RMND1: variants seen among roughly 807,000 people sequenced by gnomAD.
RMND1 encodes the protein required for meiotic nuclear division protein 1 homolog.
Under a neutral mutation model 54.0 loss-of-function variants are expected in RMND1, and 41 were observed. That is an observed-to-expected ratio of 0.76 (90% CI 0.59 to 0.98). The LOEUF (loss-of-function observed/expected upper bound fraction) is 0.98, where lower values mean the gene tolerates loss of function less well. Among genes scored for constraint, RMND1 ranks in the 50% least tolerant of loss-of-function variants. The pLI is 0.00. For synonymous variants in RMND1, 183 were observed against 181.7 expected, an observed-to-expected ratio of 1.01 and a Z score of -0.06; for missense variants, 457 against 532.0, an observed-to-expected ratio of 0.86 and a Z score of 1.39.
At chr6:151,412,529 T>C (rs1004802106) in intron 10 of RMND1, among the ~76,000 whole-genome samples, 2 of 152,200 alleles carry the variant, frequency 1.3e-5, no homozygotes, top group African/African-American at 4.8e-5. Flanking sequence ...CTGTGACTTC[T>C]GTTTTACTAG....
chr6:151,445,187 T>C, intron 2 of RMND1, 121 bp downstream of exon 2: 1 of 963,262 alleles, frequency 1.0e-6, no homozygotes, highest in African/African-American at 1.6e-5. Context: ...AAGACCTTGA[T>C]GAAGAAGTCT....
chr6:151,409,485 G>C (rs144051994), intron 10 of RMND1, among the ~76,000 whole-genome samples: 159 of 152,176 alleles, frequency 1.0e-3, no homozygotes, highest in African/African-American at 3.7e-3. Context: ...CTGGGGTGGG[G>C]GGGAATTTCA....
chr6:151,407,721 CAG>C (rs764057115), intron 10 of RMND1, among the ~76,000 whole-genome samples: 11 of 152,152 alleles, frequency 7.2e-5, no homozygotes, highest in East Asian at 1.9e-4. Context: ...TCCTGGCTAA[CAG>C]GGTAAAACCC....
intron 9 of RMND1, among the ~76,000 whole-genome samples, chr6:151,418,226 C>T (rs1433031102): frequency 1.3e-5 from 2 of 152,094 alleles, no homozygotes; most frequent in African/African-American, 2.4e-5. Flanking sequence ...CCAACCTGGA[C>T]AGCACAGCGA....
chr6:151,441,163 TTTTAGGAG>T (rs1440238423), intron 2 of RMND1, among the ~76,000 whole-genome samples: 2 of 152,230 alleles, frequency 1.3e-5, no homozygotes, highest in Admixed American at 1.3e-4. Flanking sequence ...ATGATTCTTG[TTTTAGGAG>T]CATCGCATGC....
Position 151,405,827 on chromosome 6 carries a change from C to T in RMND1, c.1210G>A (p.Glu404Lys), listed in dbSNP as rs2114908460. The T allele has an allele frequency of 6.3e-7, 1 of 1,591,334 alleles. No homozygotes were observed. The highest frequency in any genetic ancestry group is 1.1e-5 in the South Asian group (1 of 90,436). Residue 404 changes from glutamate (E) to lysine (K), a missense_variant, in exon 11 of 12, where the codon GAA becomes AAA. By Grantham distance (56) the Glu-to-Lys change is moderately conservative. Coordinates refer to ENST00000444024, the MANE Select transcript of RMND1 (RefSeq NM_017909.4). The stretch of plus-strand genomic sequence containing the variant: ...AGTTCCATGCAGTGCTGAAGTTTTT[C>T]ATTCATGACCTATGTAAGAAAAATT... ...SIGRRVKVMN[E>K]KLQHCMELTD...
chr6:151,436,822 A>G (rs1159841336), intron 2 of RMND1: 3 of 326,834 alleles, frequency 9.2e-6, no homozygotes. Flanking sequence ...GCCACACTCA[A>G]CTGGTAGTAT....
At chr6:151,427,644 G>A in intron 5 of RMND1, 62 bp from the exon 6 acceptor site, 1 of 1,041,174 alleles carries the variant, frequency 9.6e-7, no homozygotes, top group Non-Finnish European at 1.5e-6. Context: ...AGTATGTTAT[G>A]ATTTTAATGC....
chr6:151,421,159 G>T, intron 9 of RMND1, 86 bp downstream of exon 9: 1 of 953,482 alleles, frequency 1.0e-6, no homozygotes, highest in Non-Finnish European at 1.6e-6. Flanking sequence ...ACGTGTAAAT[G>T]TTTGCTCTTC....
intron 3 of RMND1, among the ~76,000 whole-genome samples, chr6:151,434,637 A>G (rs959383206): frequency 6.6e-6 from 1 of 152,198 alleles, no homozygotes; most frequent in Non-Finnish European, 1.5e-5. Context: ...TTCTAAGTCA[A>G]CTATGCTTGT....
At chr6:151,423,720 G>A (rs1172552793) in intron 6 of RMND1, 89 bp from the exon 7 acceptor site, 2 of 875,220 alleles carry the variant, frequency 2.3e-6, no homozygotes, top group African/African-American at 1.7e-5. Context: ...TCTTTCTGGA[G>A]GTCATTTTGA....
At chr6:151,413,878 A>C (rs1474555801) in intron 10 of RMND1, 1 of 152,164 alleles carries the variant, frequency 6.6e-6, no homozygotes, top group Admixed American at 6.5e-5. Context: ...AGTGGTGATG[A>C]TCTCTACTGT....
At chr6:151,437,526 A>C (rs1780647354) in intron 2 of RMND1, among the ~76,000 whole-genome samples, 1 of 152,238 alleles carries the variant, frequency 6.6e-6, no homozygotes, top group South Asian at 2.1e-4. Context: ...GGGTTGTTGT[A>C]AAGTTTAAAT....
At chr6:151,424,100 C>T (rs1238538887) in intron 6 of RMND1, among the ~76,000 whole-genome samples, 1 of 152,072 alleles carries the variant, frequency 6.6e-6, no homozygotes, top group African/African-American at 2.4e-5. Flanking sequence ...ATCCACCCAC[C>T]TCGGCCTCCC....
intron 5 of RMND1, 135 bp downstream of exon 5, chr6:151,430,003 A>C (rs1334123409): frequency 3.3e-6 from 2 of 599,126 alleles, no homozygotes; most frequent in African/African-American, 1.9e-5. Context: ...GAAACTGATA[A>C]GTATCATGTA....
chr6:151,423,920 T>A (rs1350890933), intron 6 of RMND1, among the ~76,000 whole-genome samples: 1 of 151,428 alleles, frequency 6.6e-6, no homozygotes, highest in Non-Finnish European at 1.5e-5. Context: ...CGATCTCAGC[T>A]CACTGCAACC....
At chr6:151,450,703 C>T (rs1185261602) in intron 1 of RMND1, among the ~76,000 whole-genome samples, 2 of 151,842 alleles carry the variant, frequency 1.3e-5, no homozygotes, top group East Asian at 1.9e-4. Flanking sequence ...GGGAGGTGTA[C>T]TCAACAGCTC....
At chr6:151,449,054 C>CT (rs1781047202) in intron 1 of RMND1, among the ~76,000 whole-genome samples, 1 of 90,796 alleles carries the variant, frequency 1.1e-5, no homozygotes, top group Admixed American at 1.6e-4. Context: ...AAGCGAGACT[C>CT]TGTCTCAAAA....
chr6:151,444,363 A>C (rs964019484), intron 2 of RMND1: 5 of 152,244 alleles, frequency 3.3e-5, no homozygotes, highest in African/African-American at 1.2e-4. Flanking sequence ...CTGAGTTCAG[A>C]GTAACCACAC....
Sources: gnomAD v4.1 joint callset for allele counts (sites outside exome capture counted in the v4.1 genomes callset) on GRCh38, gnomAD v4.1.1 for gene constraint, MANE v1.5 for transcripts, NCBI Gene and HGNC (gene_info 2026-07-23, HGNC 2026-07-21) for gene names.